Variants in ZNF257 observed in about 807,000 individuals in gnomAD.
ZNF257 encodes bone marrow zinc finger 4.
Under a neutral mutation model 11.9 loss-of-function variants are expected in ZNF257, and 12 were observed. The observed-to-expected ratio is 1.01, with a 90% CI of 0.65 to 1.63. The LOEUF (loss-of-function observed/expected upper bound fraction) is 1.63, where lower values mean the gene tolerates loss of function less well. Among genes scored for constraint, ZNF257 ranks in the 40% most tolerant of loss-of-function variants. ZNF257 has a pLI of 0.00. For synonymous variants in ZNF257, 183 were observed against 222.7 expected, an observed-to-expected ratio of 0.82 and a Z score of 1.59; for missense variants, 580 against 665.5, an observed-to-expected ratio of 0.87 and a Z score of 1.41.
chr19:22,071,298 T>C (rs985237500), intron 1 of ZNF257, among the ~76,000 whole-genome samples: 2 of 152,128 alleles, frequency 1.3e-5, no homozygotes, highest in Non-Finnish European at 2.9e-5. Context: ...GAATCTCTAC[T>C]AGTATAAAGG....
intron 3 of ZNF257, among the ~76,000 whole-genome samples, chr19:22,080,169 A>ATAT (rs1568487882): frequency 3.2e-4 from 49 of 152,042 alleles, no homozygotes; most frequent in Admixed American, 6.6e-5. Context: ...TTGTAGGAAC[A>ATAT]GGGTCTCACT....
At chr19:22,087,950 G>T in intron 3 of ZNF257, 27 bp from the exon 4 acceptor site, 1 of 1,459,258 alleles carries the variant, frequency 6.9e-7, no homozygotes, top group South Asian at 1.7e-5. Context: ...AGTAAGTGGA[G>T]TAATTTGTTG....
chr19:22,069,823 A>G (rs2022055739), intron 1 of ZNF257, among the ~76,000 whole-genome samples: 1 of 152,142 alleles, frequency 6.6e-6, no homozygotes, highest in Non-Finnish European at 1.5e-5. Context: ...ACAGGGCAGT[A>G]GCTAAAAAAG....
At chr19:22,064,488 C>T (rs1356508157) in intron 1 of ZNF257, among the ~76,000 whole-genome samples, 2 of 151,912 alleles carry the variant, frequency 1.3e-5, no homozygotes, top group African/African-American at 4.8e-5. Context: ...TTTAAAAACA[C>T]GCAAAAGTGG....
chr19:22,064,401 GT>G (rs2021887522), intron 1 of ZNF257: 1 of 152,054 alleles, frequency 6.6e-6, no homozygotes, highest in African/African-American at 2.4e-5. Flanking sequence ...TCATTGCTTT[GT>G]TTTTGCTTTG....
At chr19:22,073,913 T>C (rs919303916) in intron 3 of ZNF257, among the ~76,000 whole-genome samples, 7 of 152,170 alleles carry the variant, frequency 4.6e-5, no homozygotes, top group African/African-American at 1.4e-4. Context: ...TATGTTAAGC[T>C]ATTTCTTAAG....
chr19:22,061,644 T>C (rs532581435), intron 1 of ZNF257, among the ~76,000 whole-genome samples: 1 of 151,928 alleles, frequency 6.6e-6, no homozygotes, highest in East Asian at 1.9e-4. Context: ...CTCACCTGAT[T>C]GCTGTGGCTA....
chr19:22,053,903 C>A (rs1281373457), intron 1 of ZNF257, among the ~76,000 whole-genome samples: 1 of 151,794 alleles, frequency 6.6e-6, no homozygotes, highest in African/African-American at 2.4e-5. Flanking sequence ...CCAGCCTGGG[C>A]AACAAGAGTG....
At position 22,062,315 on chromosome 19, in the gene ZNF257, G is replaced by A. The variant is rs565177104; in HGVS notation, c.3+9680G>A. On this transcript the variant is annotated intron_variant, in intron 1 of 3. Transcript: ENST00000594947. ...TTTTTTTTGTATTTTTCGTAGAGAC[G>A]GGGTTTCACCAAATTGACCAGGCTG... 1.2e-3 allele frequency among the ~76,000 whole-genome samples: 179 copies of A among 149,348 alleles called. 3 individuals are homozygous for A. The South Asian group carries it at 0.02, about 17-fold the overall frequency.
In ZNF257 at chr19:22,052,548, T is replaced by G; in HGVS notation, c.-85T>G. The G allele has an allele frequency of 2.0e-6, 3 of 1,521,334 alleles. 1 individual carries two copies. The highest frequency in any genetic ancestry group is 2.7e-6 in the Non-Finnish European group (3 of 1,106,176). The allele number at this position is 1,521,334 out of a possible 1,614,324, so 94.2% of individuals were successfully genotyped here. ...TTCCCTGGTCTGTGTCCTCTTCTCC[T>G]AGGGGCCCAGCCTCTGTGGCCCTGT... On this transcript the variant is annotated 5_prime_UTR_variant, in exon 1 of 4. Transcript: ENST00000594947.
chr19:22,081,025 C>T (rs1193984760), intron 3 of ZNF257, among the ~76,000 whole-genome samples: 10 of 151,550 alleles, frequency 6.6e-5, no homozygotes, highest in African/African-American at 2.4e-4. Context: ...CTACAAGGCA[C>T]GTGCCACCAT....
At chr19:22,061,455 A>C (rs762159076) in intron 1 of ZNF257, among the ~76,000 whole-genome samples, 1 of 152,158 alleles carries the variant, frequency 6.6e-6, no homozygotes. Context: ...GTTGATGTAC[A>C]TGGGTGCTAC....
At chr19:22,066,142 C>G (rs1389086425) in intron 1 of ZNF257, 4 of 153,204 alleles carry the variant, frequency 2.6e-5, no homozygotes, top group African/African-American at 9.6e-5. Context: ...GTTTTTCTCT[C>G]AAATGCTTTG....
chr19:22,070,549 T>A (rs2022078715), intron 1 of ZNF257, among the ~76,000 whole-genome samples: 1 of 152,026 alleles, frequency 6.6e-6, no homozygotes, highest in African/African-American at 2.4e-5. Flanking sequence ...CACTTGTACA[T>A]GTTATTTAAA....
intron 3 of ZNF257, among the ~76,000 whole-genome samples, chr19:22,078,892 A>G (rs2022294646): frequency 6.6e-6 from 1 of 150,620 alleles, no homozygotes; most frequent in Non-Finnish European, 1.5e-5. Flanking sequence ...TCCCGGGTTC[A>G]AGTGATTCTC....
In ZNF257 at chr19:22,052,507, A is replaced by C; in HGVS notation, c.-126A>C. 8.8e-7 allele frequency: 1 copy of C among 1,136,400 alleles called. No homozygotes were observed. Among genetic ancestry groups the C allele is most frequent in the Non-Finnish European group, 1.3e-6 (1 of 772,982 alleles). The allele number at this position is 1,136,400 out of a possible 1,614,324, so 70.4% of individuals were successfully genotyped here. A position where few individuals can be genotyped will look rare whatever the true frequency, so the allele number is the denominator to read the frequency against. On this transcript the variant is annotated 5_prime_UTR_variant, in exon 1 of 4. Coordinates refer to ENST00000594947, the MANE Select transcript of ZNF257 (RefSeq NM_033468.4). ...GTACTTTGTCTCTCGCTCTAGCCCGAGCTGCAGGTCTCGTCTTCCCTGGTC... is the reference window on the plus strand; with the variant it reads ...GTACTTTGTCTCTCGCTCTAGCCCGCGCTGCAGGTCTCGTCTTCCCTGGTC...
rs944636824 is a variant in ZNF257 at position 22,088,664 on chromosome 19, A to C, written c.914A>C (p.Gln305Pro). 8.1e-6 allele frequency: 13 copies of C among 1,611,014 alleles called. No homozygotes were observed. In the African/African-American group the frequency reaches 1.8e-4, roughly 22 times the overall value. Reference sequence around the variant, plus strand: ...TCCTCAGCTCTTACTACCCTTACTCAACATAAGAGAATTCATACTGGAGAG... The same window carrying C: ...TCCTCAGCTCTTACTACCCTTACTCCACATAAGAGAATTCATACTGGAGAG... ...KWSSALTTLTQHKRIHTGEKP... is the reference protein window; with the variant it reads ...KWSSALTTLTPHKRIHTGEKP... Residue 305 changes from glutamine to proline, a missense_variant, in exon 4 of 4, where the codon CAA (glutamine) becomes CCA (proline). Physicochemically the swap from Gln to Pro is moderately conservative, Grantham distance 76. Transcript: ENST00000594947.
chr19:22,089,270 T>C lies in ZNF257; in HGVS notation c.1520T>C (p.Ile507Thr), dbSNP rs374468924. ...TCTTCACACCTTTCTCAACATAAGATAATTCATACTGGAGAGAAACCCTAC... is the reference window on the plus strand; with the variant it reads ...TCTTCACACCTTTCTCAACATAAGACAATTCATACTGGAGAGAAACCCTAC... ...NRSSHLSQHK[I>T]IHTGEKPYKC... Residue 507 changes from isoleucine (I) to threonine (T), a missense_variant, in exon 4 of 4, where the codon ATA (isoleucine) becomes ACA (threonine). Ile to Thr is a moderately conservative substitution (Grantham distance 89). Transcript: ENST00000594947. 3 of 1,613,562 alleles carry C rather than the reference T, an allele frequency of 1.9e-6. No individual in the cohort carries two copies. The highest frequency in any genetic ancestry group is 1.1e-5 in the South Asian group (1 of 91,070).
At position 22,072,870 on chromosome 19, in the gene ZNF257, A is replaced by G. The variant is rs765024097; in HGVS notation, c.65A>G (p.Asp22Gly). ...EFSLEEWHCL[D>G]TAQQNLYRDV... ...TCTCTGGAGGAGTGGCATTGCCTGG[A>G]CACTGCACAGCAGAATTTATATAGG... Residue 22 changes from aspartate to glycine, a missense_variant, in exon 2 of 4, where the codon GAC (aspartate) becomes GGC (glycine). By Grantham distance (94) the Asp-to-Gly change is moderately conservative. Transcript: ENST00000594947. 2 of 1,613,496 alleles carry G rather than the reference A, an allele frequency of 1.2e-6. No homozygotes were observed. Among genetic ancestry groups the G allele is most frequent in the South Asian group, 2.2e-5 (2 of 91,056 alleles).
Sources: allele counts gnomAD v4.1 joint callset (sites outside exome capture counted in the v4.1 genomes callset), GRCh38; gene constraint gnomAD v4.1.1; transcripts MANE v1.5; gene names NCBI Gene and HGNC (gene_info 2026-07-23, HGNC 2026-07-21).